The following LYPD4 variants were observed in gnomAD, a reference collection of about 807,000 sequenced individuals.
LYPD4 encodes ly6/PLAUR domain-containing protein 4.
LYPD4 carries 20 observed loss-of-function variants against 18.2 expected under a neutral mutation model. That is an observed-to-expected ratio of 1.10 (90% CI 0.77 to 1.59). LYPD4 has a LOEUF of 1.59. Ranked by LOEUF, LYPD4 falls within the 40% of genes most tolerant of loss-of-function variation. The pLI, the probability that LYPD4 is intolerant of heterozygous loss-of-function variation, is 0.00. For synonymous variants in LYPD4, 111 were observed against 118.3 expected (o/e 0.94, Z 0.40); for missense variants, 278 against 300.3 (o/e 0.93, Z 0.55).
intron 1 of LYPD4, among the ~76,000 whole-genome samples, chr19:41,840,277 A>T (rs1338901899): frequency 2.0e-5 from 3 of 151,994 alleles, no homozygotes; most frequent in Non-Finnish European, 4.4e-5. Flanking sequence ...AAATACAAAA[A>T]TTGGCCAGGC....
rs2123107317 is a variant in LYPD4 at position 41,839,360 on chromosome 19, C to T, written c.-75G>A. 3 of 1,372,338 alleles carry T rather than the reference C, an allele frequency of 2.2e-6. No homozygotes were observed. The highest frequency in any genetic ancestry group is 3.1e-6 in the Non-Finnish European group (3 of 962,008). The allele number at this position is 1,372,338 out of a possible 1,614,324, so 85.0% of individuals were successfully genotyped here. On this transcript the variant is annotated 5_prime_UTR_variant, in exon 2 of 5. It removes an upstream start codon present in the reference 5' UTR. Transcript: ENST00000609812. ...CAGTCTGGATCCCAAGCTCAGTTCC[C>T]ATCAGTCCCCGAATTCTTTGTCCAC...
chr19:41,840,117 C>G (rs2073531426), intron 1 of LYPD4, among the ~76,000 whole-genome samples: 1 of 151,782 alleles, frequency 6.6e-6, no homozygotes, highest in South Asian at 2.1e-4. Context: ...CATTCACACA[C>G]AGACATAGAC....
At chr19:41,840,838 A>T (rs1047953152) in intron 1 of LYPD4, among the ~76,000 whole-genome samples, 4 of 152,074 alleles carry the variant, frequency 2.6e-5, no homozygotes, top group Admixed American at 6.6e-5. Context: ...TCAAAAAAAA[A>T]AAAAATAAAA....
In LYPD4 at chr19:41,838,944, T is replaced by C. The variant is rs782092299; in HGVS notation, c.148A>G (p.Met50Val). 4 of 1,613,920 alleles carry C rather than the reference T, an allele frequency of 2.5e-6. No individual in the cohort carries two copies. The highest frequency in any genetic ancestry group is 2.5e-6 in the Non-Finnish European group (3 of 1,179,994). ...TGCAGCTTACACACCATGTTCCTCATCAGAAGCCACTTCCAGTTATGGAAA... is the reference window on the plus strand; with the variant it reads ...TGCAGCTTACACACCATGTTCCTCACCAGAAGCCACTTCCAGTTATGGAAA... ...VAFHNWKWLLMRNMVCKLQEG... is the reference protein window; with the variant it reads ...VAFHNWKWLLVRNMVCKLQEG... Residue 50 changes from methionine to valine, a missense_variant, in exon 3 of 5, where the codon ATG (methionine) becomes GTG (valine). Coordinates refer to ENST00000609812, the MANE Select transcript of LYPD4 (RefSeq NM_173506.7).
downstream of LYPD4, chr19:41,835,721 A>T: frequency 1.1e-6 from 1 of 939,932 alleles, no homozygotes; most frequent in South Asian, 4.9e-5. Context: ...TGGAGGTCAC[A>T]GAGGTCCATG....
At chr19:41,840,956 T>C (rs1343079590) in intron 1 of LYPD4, among the ~76,000 whole-genome samples, 13 of 152,094 alleles carry the variant, frequency 8.5e-5, no homozygotes, top group African/African-American at 3.1e-4. Flanking sequence ...AAAATAAATA[T>C]ATTCATGAAC....
chr19:41,836,977 C>T (rs577651949), downstream of LYPD4: 1 of 1,339,856 alleles, frequency 7.5e-7, no homozygotes, highest in Admixed American at 2.8e-5. Context: ...TGTCACTTTG[C>T]CAGGCTCCTC....
Position 41,839,025 on chromosome 19 carries a change from C to T in LYPD4, c.68-1G>A, listed in dbSNP as rs782820684. 1.2e-6 allele frequency: 2 copies of T among 1,613,156 alleles called. No individual in the cohort carries two copies. The highest frequency in any genetic ancestry group is 3.3e-5 in the Admixed American group (2 of 59,844). On this transcript the variant is annotated splice_acceptor_variant, in intron 2 of 4. Coordinates refer to ENST00000609812, the MANE Select transcript of LYPD4 (RefSeq NM_173506.7). LOFTEE classifies it high-confidence loss of function. Reference sequence around the variant, plus strand: ...TCATAGCACAAAAGAGCTCCAGCCCCTAAAAAGAGAATGCTCTCCCAGTCA... The same window carrying T: ...TCATAGCACAAAAGAGCTCCAGCCCTTAAAAAGAGAATGCTCTCCCAGTCA...
chr19:41,839,125 C>T lies in LYPD4; in HGVS notation c.67+94G>A, dbSNP rs184780141. ...CAGCCCCCACAGGTCCTGTCCCCAG[C>T]GAAACCTAGATACCCAGCCCTCGTT... On this transcript the variant is annotated intron_variant, in intron 2 of 4. Coordinates refer to ENST00000609812, the MANE Select transcript of LYPD4 (RefSeq NM_173506.7). 1.5e-4 allele frequency: 238 copies of T among 1,612,010 alleles called. 1 individual carries two copies. In the African/African-American group the frequency reaches 2.4e-3, roughly 16 times the overall value.
At chr19:41,840,599 G>A (rs1312889844) in intron 1 of LYPD4, among the ~76,000 whole-genome samples, 7 of 152,028 alleles carry the variant, frequency 4.6e-5, no homozygotes, top group African/African-American at 1.2e-4. Flanking sequence ...TTGGGAGGCC[G>A]AGGCAGGCAG....
chr19:41,841,254 G>A (rs1287931762), intron 1 of LYPD4, among the ~76,000 whole-genome samples: 1 of 151,408 alleles, frequency 6.6e-6, no homozygotes, highest in African/African-American at 2.4e-5. Flanking sequence ...CAACACAGTG[G>A]CTTATGCCGG....
At chr19:41,837,015 G>T (rs1555830499), downstream of LYPD4, 3 of 1,489,620 alleles carry the variant, frequency 2.0e-6, no homozygotes, top group East Asian at 7.3e-5. Flanking sequence ...CCCTGGACAT[G>T]CTTGGCCTTC....
Position 41,837,152 on chromosome 19 carries a change from G to A in LYPD4, c.732C>T (p.Phe244=). 3 of 1,613,956 alleles carry A rather than the reference G, an allele frequency of 1.9e-6. No homozygotes were observed. The highest frequency in any genetic ancestry group is 2.5e-6 in the Non-Finnish European group (3 of 1,179,878). The change falls in exon 5 of 5, where the codon TTC becomes TTT. Residue 244 remains phenylalanine, a synonymous_variant. Coordinates refer to ENST00000609812, the MANE Select transcript of LYPD4 (RefSeq NM_173506.7). ...WGVVLGLLFA[F]RD ...GGGTGCAGCTAGATGGTCAGTCCCT[G>A]AAGGCAAACAGGAGGCCTAAGACGA...
In LYPD4 at chr19:41,838,139, A is replaced by G; in HGVS notation, c.334T>C (p.Ser112Pro). The G allele has an allele frequency of 6.2e-7, 1 of 1,613,232 alleles. No homozygotes were observed. Among genetic ancestry groups the G allele is most frequent in the Non-Finnish European group, 8.5e-7 (1 of 1,179,418 alleles). ...SIASYSRVCR[S>P]YLCNNLTNLE... ...TTGGTGAGGTTGTTGCAGAGATAAG[A>G]CCGGCAGACGCGACTGTAGGAGGCA... The change falls in exon 4 of 5, where the codon TCT becomes CCT. Residue 112 changes from serine (S) to proline (P), a missense_variant. Physicochemically the swap from Ser to Pro is moderately conservative, Grantham distance 74 (BLOSUM62 -1). Transcript: ENST00000609812.
intron 1 of LYPD4, among the ~76,000 whole-genome samples, chr19:41,840,787 G>C (rs988032374): frequency 6.6e-6 from 1 of 151,004 alleles, no homozygotes; most frequent in African/African-American, 2.4e-5. Flanking sequence ...CCAAGATTGC[G>C]ACGCTGCACT....
intron 1 of LYPD4, 166 bp from the exon 2 acceptor site, chr19:41,839,571 A>G (rs1555832742): frequency 2.1e-6 from 1 of 471,864 alleles, no homozygotes; most frequent in African/African-American, 2.0e-5. Flanking sequence ...AGGTCCTCCC[A>G]TTGGACAAGG....
intron 1 of LYPD4, among the ~76,000 whole-genome samples, chr19:41,841,217 A>C (rs1215084541): frequency 4.6e-5 from 7 of 152,080 alleles, no homozygotes; most frequent in Non-Finnish European, 1.0e-4. Flanking sequence ...GGATCCCTTG[A>C]GGTCAGGAGT....
At chr19:41,839,635 G>A (rs2073508450) in intron 1 of LYPD4, 1 of 301,604 alleles carries the variant, frequency 3.3e-6, no homozygotes, top group Non-Finnish European at 6.3e-6. Context: ...CCAGCCAGAG[G>A]CAATGAGATC....
chr19:41,836,161 G>A (rs2073368707), downstream of LYPD4, among the ~76,000 whole-genome samples: 1 of 151,120 alleles, frequency 6.6e-6, no homozygotes, highest in Non-Finnish European at 1.5e-5. Context: ...TGTATCTGCT[G>A]CCCCCTTATG....
Sources: allele counts gnomAD v4.1 joint callset (sites outside exome capture counted in the v4.1 genomes callset), GRCh38; gene constraint gnomAD v4.1.1; transcripts MANE v1.5; gene names NCBI Gene and HGNC (gene_info 2026-07-23, HGNC 2026-07-21).